The following SFTPB variants were observed in gnomAD, a reference collection of about 807,000 sequenced individuals.
The protein encoded by SFTPB is surfactant protein B.
SFTPB carries 32 observed loss-of-function variants against 51.0 expected under a neutral mutation model. The observed-to-expected ratio is 0.63, with a 90% CI of 0.47 to 0.84. The LOEUF (loss-of-function observed/expected upper bound fraction) is 0.84. Among genes scored for constraint, SFTPB ranks in the 40% least tolerant of loss-of-function variants. The probability of loss-of-function intolerance (pLI) is 0.00; values close to 1 mark genes in which losing one functional copy is unlikely to be tolerated. For missense variants in SFTPB, 431 were observed against 491.2 expected (o/e 0.88, Z 1.16); for synonymous variants, 211 against 208.5 (o/e 1.01, Z -0.10).
At chr2:85,664,265 C>A (rs1457993939) in intron 6 of SFTPB, among the ~76,000 whole-genome samples, 1 of 152,150 alleles carries the variant, frequency 6.6e-6, no homozygotes, top group Non-Finnish European at 1.5e-5. Flanking sequence ...TTAGTCTCCC[C>A]ATCTCAGCTG....
At chr2:85,668,474 C>T (rs1308433066), upstream of SFTPB, among the ~76,000 whole-genome samples, 1 of 152,184 alleles carries the variant, frequency 6.6e-6, no homozygotes, top group Admixed American at 6.5e-5. Flanking sequence ...GGTCCCACCT[C>T]TCCAGGCCGT....
chr2:85,661,520 C>G lies in SFTPB; in HGVS notation c.1099G>C (p.Gly367Arg). The change falls in exon 10 of 11, where the codon GGG becomes CGG. Residue 367 changes from glycine to arginine, a missense_variant. Gly to Arg is a moderately radical substitution (Grantham distance 125). Coordinates refer to ENST00000519937, the MANE Select transcript of SFTPB (RefSeq NM_000542.5). ...CACTGGAGAGGGCTGGACATGGTCCCACACACCCCGAGGGCCTGTCACAGG... is the reference window on the plus strand; with the variant it reads ...CACTGGAGAGGGCTGGACATGGTCCGACACACCCCGAGGGCCTGTCACAGG... Reference protein sequence around the residue: ...HTTCQALGVCGTMSSPLQCIH... With the variant: ...HTTCQALGVCRTMSSPLQCIH... 1 of 1,611,654 alleles carries G rather than the reference C, an allele frequency of 6.2e-7. No homozygotes were observed. Among genetic ancestry groups the G allele is most frequent in the Non-Finnish European group, 8.5e-7 (1 of 1,179,118 alleles).
rs1367413630 is a variant in SFTPB, at chr2:85,668,128, C to T, written c.56G>A (p.Gly19Asp). The T allele has an allele frequency of 1.9e-6, 3 of 1,551,148 alleles. No individual in the cohort carries two copies. The highest frequency in any genetic ancestry group is 3.9e-5 in the Admixed American group (2 of 50,966). The part of the protein sequence containing the change: ...WLLLLLPTLC[G>D]PGTAAWTTSS... ...TGGGGGAGACTCACCAGTGCCTGGG[C>T]CACAGAGCGTGGGCAGCAGCAGCAG... Residue 19 changes from glycine to aspartate, a missense_variant, in exon 1 of 11, where the codon GGC becomes GAC. Physicochemically the swap from Gly to Asp is moderately conservative, Grantham distance 94. Transcript: ENST00000519937.
chr2:85,662,653 C>T (rs1486125120), intron 8 of SFTPB, among the ~76,000 whole-genome samples: 3 of 152,008 alleles, frequency 2.0e-5, no homozygotes, highest in African/African-American at 7.3e-5. Context: ...CCAGCCTGAC[C>T]AATATGGTGA....
chr2:85,666,493 CTGTG>C lies in SFTPB; in HGVS notation c.393+120_393+123del, dbSNP rs59023726. On this transcript the variant is annotated intron_variant, in intron 4 of 10. Coordinates refer to ENST00000519937, the MANE Select transcript of SFTPB (RefSeq NM_000542.5). ...TGTTTGTGTCTGGCCGGCTTGGGTG[CTGTG>C]TGTGTGTGTGTGTGTGTGTGTGTGT... is the stretch of plus-strand genomic sequence containing the variant. 25,572 of 720,328 alleles carry C rather than the reference CTGTG, an allele frequency of 0.036. 54 individuals are homozygous for C. The highest frequency in any genetic ancestry group is 0.15 in the East Asian group (3,906 of 26,374). 44.6% of individuals were successfully genotyped at this position (720,328 alleles called of 1,614,324 possible).
At chr2:85,665,164 C>T (rs45478504) in intron 6 of SFTPB, 125 bp downstream of exon 6, 415 of 812,614 alleles carry the variant, frequency 5.1e-4, no homozygotes, top group Non-Finnish European at 6.5e-4. Context: ...GCGGCTCTCT[C>T]CCCTCCTAAC....
chr2:85,663,698 G>A lies in SFTPB; in HGVS notation c.822C>T (p.Val274=). 5 of 1,612,848 alleles carry A rather than the reference G, an allele frequency of 3.1e-6. No homozygotes were observed. The highest frequency in any genetic ancestry group is 4.2e-6 in the Non-Finnish European group (5 of 1,179,616). The part of the protein sequence containing the change: ...RMLPQLVCRL[V]LRCSMDDSAG... Reference sequence around the variant, plus strand: ...CGCTGTCATCCATGGAGCACCGGAGGACGAGGCGGCAGACCAGCTGGGGCA... The same window carrying A: ...CGCTGTCATCCATGGAGCACCGGAGAACGAGGCGGCAGACCAGCTGGGGCA... Residue 274 remains valine (V), a synonymous_variant, in exon 7 of 11, where the codon GTC becomes GTT. Coordinates refer to ENST00000519937, the MANE Select transcript of SFTPB (RefSeq NM_000542.5).
At chr2:85,661,305 CA>C (rs1429824132) in intron 10 of SFTPB, 148 bp downstream of exon 10, 1 of 601,650 alleles carries the variant, frequency 1.7e-6, no homozygotes, top group African/African-American at 1.8e-5. Flanking sequence ...CAGAAGCCCT[CA>C]GGAGCCTCCA....
chr2:85,667,215 G>C (rs765546924), intron 2 of SFTPB, 38 bp from the exon 3 acceptor site: 11 of 1,484,018 alleles, frequency 7.4e-6, no homozygotes, highest in African/African-American at 4.1e-5. Flanking sequence ...GGACACATGA[G>C]TGGGGGAGGC....
intron 10 of SFTPB, among the ~76,000 whole-genome samples, chr2:85,661,037 G>A (rs1018318795): frequency 2.6e-5 from 4 of 152,148 alleles, no homozygotes; most frequent in African/African-American, 7.2e-5. Context: ...AGATGATCAC[G>A]GCCTTCCTGG....
Position 85,663,666 on chromosome 2 carries a change from GGGCC to G in SFTPB, c.850_853del (p.Gly284GlnfsTer21). On this transcript the variant is annotated frameshift_variant, in exon 7 of 11. Transcript: ENST00000519937. LOFTEE classifies it high-confidence loss of function. ...TAAGGAGTGGGCAGTGGGCTCACTTGGGCCAGCGCTGTCATCCATGGAGCACCGG... is the reference window on the plus strand; with the variant it reads ...TAAGGAGTGGGCAGTGGGCTCACTTGAGCGCTGTCATCCATGGAGCACCGG... The G allele has an allele frequency of 6.2e-7, 1 of 1,610,926 alleles. No individual in the cohort carries two copies. Among genetic ancestry groups the G allele is most frequent in the Non-Finnish European group, 8.5e-7 (1 of 1,178,836 alleles).
intron 5 of SFTPB, 87 bp from the exon 6 acceptor site, chr2:85,665,465 C>T (rs1677525856): frequency 7.0e-7 from 1 of 1,433,862 alleles, no homozygotes; most frequent in South Asian, 1.2e-5. Flanking sequence ...CTCCCTTTCT[C>T]TCCCTCCTCC....
Position 85,662,091 on chromosome 2 carries a change from G to C in SFTPB, c.1021C>G (p.Gln341Glu), listed in dbSNP as rs1677335461. The C allele has an allele frequency of 1.2e-6, 2 of 1,602,128 alleles. No individual in the cohort carries two copies. Among genetic ancestry groups the C allele is most frequent in the Non-Finnish European group, 1.7e-6 (2 of 1,175,728 alleles). Residue 341 changes from glutamine (Q) to glutamate (E), a missense_variant, in exon 9 of 11, where the codon CAG becomes GAG. Transcript: ENST00000519937. ...AGGGTCAGCAGCTGGGGCGTGTGCTGCTCCACAAATTGCTTGCACTGAGGA... is the reference window on the plus strand; with the variant it reads ...AGGGTCAGCAGCTGGGGCGTGTGCTCCTCCACAAATTGCTTGCACTGAGGA... ...DREKCKQFVEQHTPQLLTLVP... is the reference protein window; with the variant it reads ...DREKCKQFVEEHTPQLLTLVP...
intron 6 of SFTPB, among the ~76,000 whole-genome samples, chr2:85,664,555 C>G (rs962123152): frequency 2.6e-5 from 4 of 152,196 alleles, no homozygotes; most frequent in Non-Finnish European, 4.4e-5. Flanking sequence ...ACCTCCGCCT[C>G]CTGGGTTCAA....
At position 85,668,184 on chromosome 2, in the gene SFTPB, G is replaced by A. The variant is rs757550990; in HGVS notation, c.-1C>T. 5 of 1,551,210 alleles carry A rather than the reference G, an allele frequency of 3.2e-6. No individual in the cohort carries two copies. Among genetic ancestry groups the A allele is most frequent in the Admixed American group, 2.0e-5 (1 of 50,988 alleles). On this transcript the variant is annotated 5_prime_UTR_variant, in exon 1 of 11. Transcript: ENST00000519937. ...ACTGCAGCAGGTGTGACTCAGCCAT[G>A]GCACCTCTGCAGCCTGGGTACCCTG...
chr2:85,662,237 A>G (rs1441863648), intron 8 of SFTPB, 128 bp from the exon 9 acceptor site: 3 of 1,529,788 alleles, frequency 2.0e-6, no homozygotes, highest in Non-Finnish European at 8.8e-7. Flanking sequence ...CCCTCACGGA[A>G]CACCTCTGGC....
intron 6 of SFTPB, among the ~76,000 whole-genome samples, chr2:85,664,181 T>C (rs1191558492): frequency 2.0e-5 from 3 of 152,184 alleles, no homozygotes; most frequent in South Asian, 2.1e-4. Flanking sequence ...TCTCCTGCAC[T>C]TCACACAGGC....
rs1477732682 is a variant in SFTPB, at chr2:85,657,753, G to T, written c.*1949C>A. ...GTCCAAAAAGAGTCAGCAAAGGGTG[G>T]TGGGATTATCATTAGTTCTTGTAGG... On this transcript the variant is annotated 3_prime_UTR_variant, in exon 11 of 11. Coordinates refer to ENST00000519937, the MANE Select transcript of SFTPB (RefSeq NM_000542.5). The T allele has an allele frequency of 1.3e-5, 2 of 152,248 alleles. No individual in the cohort carries two copies. Among genetic ancestry groups the T allele is most frequent in the Non-Finnish European group, 2.9e-5 (2 of 68,066 alleles). 9.4% of individuals were successfully genotyped at this position (152,248 alleles called of 1,614,324 possible). A position where few individuals can be genotyped will look rare whatever the true frequency, so the allele number is the denominator to read the frequency against.
rs1573466252 is a variant in SFTPB, at chr2:85,659,136, G to T, written c.*566C>A. The T allele has an allele frequency of 6.6e-6, 1 of 152,176 alleles. No homozygotes were observed. The highest frequency in any genetic ancestry group is 1.5e-5 in the Non-Finnish European group (1 of 68,022). 9.4% of individuals were successfully genotyped at this position (152,176 alleles called of 1,614,324 possible). A position where few individuals can be genotyped will look rare whatever the true frequency, so the allele number is the denominator to read the frequency against. On this transcript the variant is annotated 3_prime_UTR_variant, in exon 11 of 11. Transcript: ENST00000519937. ...TCGCCATCCCATCATGCCAGAGCGT[G>T]CAGTGTCCACCCTTGACTACGCTGG...
Sources: allele counts gnomAD v4.1 joint callset (sites outside exome capture counted in the v4.1 genomes callset), GRCh38; gene constraint gnomAD v4.1.1; transcripts MANE v1.5; gene names NCBI Gene and HGNC (gene_info 2026-07-23, HGNC 2026-07-21).